NYAP2: variants seen among roughly 807,000 people sequenced by gnomAD.
NYAP2 encodes neuronal tyrosine-phosphorylated phosphoinositide-3-kinase adaptor 2.
In NYAP2, 23 loss-of-function variants were observed where a neutral mutation model predicts 50.4. The observed-to-expected ratio is 0.46, with a 90% CI of 0.33 to 0.65. The LOEUF (loss-of-function observed/expected upper bound fraction) is 0.65. Among genes scored for constraint, NYAP2 ranks in the 30% least tolerant of loss-of-function variants. The probability of loss-of-function intolerance (pLI) is 0.02; values close to 1 mark genes in which losing one functional copy is unlikely to be tolerated. For missense variants in NYAP2, 885 were observed against 861.0 expected (o/e 1.03, Z -0.35); for synonymous variants, 394 against 365.2 (o/e 1.08, Z -0.90).
chr2:225,688,791 G>A, the NYAP2 span, among the ~76,000 whole-genome samples: 31 of 152,288 alleles, frequency 2.0e-4, no homozygotes, highest in African/African-American at 7.5e-4. Flanking sequence ...CACCCAGGGT[G>A]GAGTGCAGTG....
chr2:225,577,111 T>A (rs1242742318), intron 4 of NYAP2, among the ~76,000 whole-genome samples: 2 of 152,072 alleles, frequency 1.3e-5, no homozygotes, highest in East Asian at 1.9e-4. Context: ...GAAAGGAAGA[T>A]CATCTGGGCA....
chr2:225,674,080 A>G, the NYAP2 span, among the ~76,000 whole-genome samples: 1 of 152,142 alleles, frequency 6.6e-6, no homozygotes, highest in African/African-American at 2.4e-5. Context: ...AGCTGAGTCT[A>G]AAAGAGTTTC....
chr2:225,592,892 G>C (rs1418934980), intron 5 of NYAP2, among the ~76,000 whole-genome samples: 1 of 151,986 alleles, frequency 6.6e-6, no homozygotes, highest in Non-Finnish European at 1.5e-5. Flanking sequence ...AACCCTACCT[G>C]CTTTAGATGT....
chr2:225,570,289 A>G (rs1442027312), intron 4 of NYAP2, among the ~76,000 whole-genome samples: 1 of 152,208 alleles, frequency 6.6e-6, no homozygotes, highest in Non-Finnish European at 1.5e-5. Context: ...CCCTCTCATC[A>G]GATGTCTAGA....
chr2:225,525,581 GACAA>G (rs1187609926), intron 4 of NYAP2, among the ~76,000 whole-genome samples: 5 of 152,240 alleles, frequency 3.3e-5, no homozygotes, highest in Non-Finnish European at 5.9e-5. Context: ...GGTACACATG[GACAA>G]ACAGAGTAGA....
chr2:225,659,122 C>G, the NYAP2 span, among the ~76,000 whole-genome samples: 1 of 152,098 alleles, frequency 6.6e-6, no homozygotes, highest in Non-Finnish European at 1.5e-5. Flanking sequence ...AACCAATTGA[C>G]AAATAAGGGT....
the NYAP2 span, among the ~76,000 whole-genome samples, chr2:225,687,615 G>T: frequency 2.6e-5 from 4 of 152,264 alleles, no homozygotes; most frequent in Admixed American, 2.0e-4. Context: ...ACCTTAAAAT[G>T]ATTCAGTGAT....
chr2:225,652,938 C>A (rs1446808079), exon 7 of NYAP2: 3 of 152,150 alleles, frequency 2.0e-5, no homozygotes, highest in Non-Finnish European at 4.4e-5. Context: ...TCAAGGGTAT[C>A]TCAAGTACCA....
intron 4 of NYAP2, among the ~76,000 whole-genome samples, chr2:225,553,159 C>A (rs571208882): frequency 1.3e-5 from 2 of 152,208 alleles, no homozygotes; most frequent in African/African-American, 4.8e-5. Flanking sequence ...CCCTGCCTGG[C>A]GGCGGCTGCT....
At chr2:225,551,669 T>C (rs1691679420) in intron 4 of NYAP2, among the ~76,000 whole-genome samples, 3 of 152,310 alleles carry the variant, frequency 2.0e-5, no homozygotes, top group East Asian at 3.9e-4. Context: ...TTTAGATGTT[T>C]ATTATGTACA....
chr2:225,415,180 A>T (rs898880891), intron 3 of NYAP2, among the ~76,000 whole-genome samples: 1 of 152,148 alleles, frequency 6.6e-6, no homozygotes. Context: ...ATGGAATTAC[A>T]TTACTTACAG....
At chr2:225,531,579 A>C (rs904565384) in intron 4 of NYAP2, among the ~76,000 whole-genome samples, 1 of 152,180 alleles carries the variant, frequency 6.6e-6, no homozygotes, top group Non-Finnish European at 1.5e-5. Flanking sequence ...GATGAATGGG[A>C]ACATTTTGAA....
chr2:225,574,622 A>G (rs746578621), intron 4 of NYAP2, among the ~76,000 whole-genome samples: 36 of 151,628 alleles, frequency 2.4e-4, no homozygotes, highest in Non-Finnish European at 4.0e-4. Context: ...CTGTCTAAAC[A>G]GTGTTGCCAA....
Position 225,641,964 on chromosome 2 carries a change from A to T in NYAP2, c.1829-9468A>T, listed in dbSNP as rs1180601216. On this transcript the variant is annotated intron_variant, in intron 6 of 6. Coordinates refer to ENST00000636099, the Ensembl canonical transcript of NYAP2. Reference sequence around the variant, plus strand: ...TTTTAGAGTGGGCTTATACTTTAAAATATTATTTAGAATAATTCAATCAAT... The same window carrying T: ...TTTTAGAGTGGGCTTATACTTTAAATTATTATTTAGAATAATTCAATCAAT... Among the ~76,000 whole-genome samples, 5 of 152,334 alleles carry T rather than the reference A, an allele frequency of 3.3e-5. No homozygotes were observed. The East Asian group carries it at 9.6e-4, about 29-fold the overall frequency.
intron 3 of NYAP2, among the ~76,000 whole-genome samples, chr2:225,505,239 A>C (rs1018834582): frequency 2.6e-5 from 4 of 152,204 alleles, no homozygotes; most frequent in Non-Finnish European, 5.9e-5. Context: ...ACAGGAAATT[A>C]ATGTCTGAAA....
At chr2:225,644,212 T>C (rs1402298683) in intron 6 of NYAP2, among the ~76,000 whole-genome samples, 10 of 152,358 alleles carry the variant, frequency 6.6e-5, no homozygotes, top group South Asian at 4.1e-4. Context: ...CATTTTTTCA[T>C]GTGTTTTTTG....
intron 3 of NYAP2, among the ~76,000 whole-genome samples, chr2:225,512,462 C>T (rs1169753433): frequency 6.6e-6 from 1 of 151,362 alleles, no homozygotes; most frequent in African/African-American, 2.4e-5. Flanking sequence ...AATATTTTCT[C>T]CTCCCTCCCT....
chr2:225,487,259 A>G (rs778709778), intron 3 of NYAP2, among the ~76,000 whole-genome samples: 9 of 152,246 alleles, frequency 5.9e-5, no homozygotes, highest in African/African-American at 1.9e-4. Flanking sequence ...GAGATCTCTC[A>G]GGAACACTGG....
intron 3 of NYAP2, among the ~76,000 whole-genome samples, chr2:225,488,840 A>G (rs1354931496): frequency 2.0e-5 from 3 of 152,224 alleles, no homozygotes; most frequent in South Asian, 2.1e-4. Context: ...CATGAAATGA[A>G]TTCTTCTACA....
Sources: gnomAD v4.1 joint callset for allele counts (sites outside exome capture counted in the v4.1 genomes callset) on GRCh38, gnomAD v4.1.1 for gene constraint, MANE v1.5 for transcripts, NCBI Gene and HGNC (gene_info 2026-07-23, HGNC 2026-07-21) for gene names.